The following MOB1B variants were observed in gnomAD, a reference collection of about 807,000 sequenced individuals.
The protein encoded by MOB1B is MOB kinase activator 1B.
In MOB1B, 19 loss-of-function variants were observed where a neutral mutation model predicts 24.4. The observed-to-expected ratio is 0.78, with a 90% CI of 0.54 to 1.14. The LOEUF (loss-of-function observed/expected upper bound fraction) is 1.14. MOB1B is among the 50% of genes most tolerant of loss of function. The pLI is 0.00. For synonymous variants in MOB1B, 76 were observed against 82.1 expected (o/e 0.93, Z 0.40); for missense variants, 243 against 259.6 (o/e 0.94, Z 0.44).
At position 70,979,140 on chromosome 4, in the gene MOB1B, C is replaced by T; in HGVS notation, c.422C>T (p.Pro141Leu). 6.2e-7 allele frequency: 1 copy of T among 1,613,382 alleles called. No homozygotes were observed. ...LFPSKIGVPF[P>L]KNFMSVAKTI... ...ATCTCTTTTCTAGGTGTCCCGTTCC[C>T]AAAGAATTTCATGTCTGTGGCAAAA... The change falls in exon 5 of 6, where the codon CCA becomes CTA. Residue 141 changes from proline to leucine, a missense_variant. Physicochemically the swap from Pro to Leu is moderately conservative, Grantham distance 98 (BLOSUM62 -3). Coordinates refer to ENST00000309395, the MANE Select transcript of MOB1B (RefSeq NM_173468.4).
intron 1 of MOB1B, among the ~76,000 whole-genome samples, chr4:70,907,105 T>A (rs1439448031): frequency 1.3e-5 from 2 of 152,210 alleles, no homozygotes; most frequent in African/African-American, 2.4e-5. Flanking sequence ...CTGTGAATTG[T>A]TCACTTCCAC....
intron 1 of MOB1B, among the ~76,000 whole-genome samples, chr4:70,908,563 A>G (rs1370527829): frequency 6.6e-6 from 1 of 150,714 alleles, no homozygotes; most frequent in Non-Finnish European, 1.5e-5. Context: ...TCACGAGGTC[A>G]GGAGTTTGAG....
chr4:70,905,278 G>A (rs905094552), intron 1 of MOB1B, among the ~76,000 whole-genome samples: 2 of 150,456 alleles, frequency 1.3e-5, no homozygotes, highest in Non-Finnish European at 3.0e-5. Context: ...TCACTCTGTC[G>A]ACCAGGATGG....
At position 70,958,972 on chromosome 4, in the gene MOB1B, G is replaced by C; in HGVS notation, c.113G>C (p.Ser38Thr). The change falls in exon 2 of 6, where the codon AGT (serine) becomes ACT (threonine). Residue 38 changes from serine (S) to threonine (T), a missense_variant. Ser to Thr is a moderately conservative substitution (Grantham distance 58). Transcript: ENST00000309395. ...LLKHAEATLG[S>T]GNLRMAVMLP... ...AAACACGCAGAAGCCACACTTGGCA[G>C]TGGCAACCTTCGGATGGCTGTCATG... The C allele has an allele frequency of 6.2e-7, 1 of 1,614,164 alleles. No homozygotes were observed. The highest frequency in any genetic ancestry group is 8.5e-7 in the Non-Finnish European group (1 of 1,180,014).
chr4:70,933,306 G>A (rs1736953691), intron 1 of MOB1B, among the ~76,000 whole-genome samples: 1 of 151,992 alleles, frequency 6.6e-6, no homozygotes, highest in Non-Finnish European at 1.5e-5. Context: ...ATGAGATTTG[G>A]GTAGGGACAC....
intron 1 of MOB1B, among the ~76,000 whole-genome samples, chr4:70,906,418 T>C (rs987371036): frequency 3.9e-5 from 6 of 152,128 alleles, no homozygotes; most frequent in Admixed American, 3.9e-4. Context: ...GATGTGGATG[T>C]TGGGCACCAT....
In MOB1B at chr4:70,966,723, G is replaced by C. The variant is rs866877305; in HGVS notation, c.182-3208G>C. Among the ~76,000 whole-genome samples the C allele has an allele frequency of 1.4e-4, 21 of 152,074 alleles. No individual in the cohort carries two copies. In the Middle Eastern group the frequency reaches 0.017, roughly 123 times the overall value. ...TAAAAAGTTAACCAGGTGTGGTGTT[G>C]CATGCCTATAGTCCTAATTACTCAA... is the stretch of plus-strand genomic sequence containing the variant. On this transcript the variant is annotated intron_variant, in intron 2 of 5. Coordinates refer to ENST00000309395, the MANE Select transcript of MOB1B (RefSeq NM_173468.4).
intron 1 of MOB1B, among the ~76,000 whole-genome samples, chr4:70,940,665 T>A (rs868587715): frequency 6.6e-6 from 1 of 151,844 alleles, no homozygotes. Context: ...AAAAATAATA[T>A]TAGGGCATTA....
At chr4:70,949,875 A>C (rs1338781450) in intron 1 of MOB1B, among the ~76,000 whole-genome samples, 1 of 151,986 alleles carries the variant, frequency 6.6e-6, no homozygotes, top group Non-Finnish European at 1.5e-5. Flanking sequence ...GTGTCACTGC[A>C]CTCCAGCCTA....
At chr4:70,947,297 T>A (rs1469249361) in intron 1 of MOB1B, among the ~76,000 whole-genome samples, 1 of 152,188 alleles carries the variant, frequency 6.6e-6, no homozygotes, top group Non-Finnish European at 1.5e-5. Context: ...AGAATCAGGG[T>A]CTCACTCTGT....
chr4:70,942,891 A>C (rs1737407880), intron 1 of MOB1B: 2 of 791,774 alleles, frequency 2.5e-6, no homozygotes, highest in African/African-American at 3.6e-5. Context: ...AAGTAAGCAA[A>C]GAAAAAATTA....
At chr4:70,911,948 G>A (rs1016285835) in intron 1 of MOB1B, among the ~76,000 whole-genome samples, 1 of 149,818 alleles carries the variant, frequency 6.7e-6, no homozygotes, top group Admixed American at 6.7e-5. Context: ...CCAGGCTGGA[G>A]TGCAAAGGCA....
At chr4:70,943,893 C>T (rs983064778) in intron 1 of MOB1B, among the ~76,000 whole-genome samples, 2 of 151,932 alleles carry the variant, frequency 1.3e-5, no homozygotes, top group African/African-American at 2.4e-5. Context: ...AAACATTTCC[C>T]TTTTTGAGAA....
intron 1 of MOB1B, among the ~76,000 whole-genome samples, chr4:70,905,708 G>A (rs1272664490): frequency 6.6e-6 from 1 of 152,108 alleles, no homozygotes; most frequent in African/African-American, 2.4e-5. Flanking sequence ...GGCTGCAAAG[G>A]TGGTGACTCA....
At chr4:70,976,399 C>T in intron 4 of MOB1B, 10 of 985,058 alleles carry the variant, frequency 1.0e-5, no homozygotes, top group Non-Finnish European at 1.1e-5. Flanking sequence ...CTTACAGATT[C>T]AGATATTAAG....
intron 1 of MOB1B, among the ~76,000 whole-genome samples, chr4:70,909,570 A>C (rs1428130404): frequency 1.3e-5 from 2 of 152,188 alleles, no homozygotes; most frequent in African/African-American, 2.4e-5. Context: ...GCCAGGGACA[A>C]AGTGTTTTAA....
At chr4:70,921,262 CA>C (rs1205128266) in intron 1 of MOB1B, among the ~76,000 whole-genome samples, 1 of 152,090 alleles carries the variant, frequency 6.6e-6, no homozygotes, top group African/African-American at 2.4e-5. Flanking sequence ...TACTATTATA[CA>C]TTCTATGCAG....
At chr4:70,907,720 G>C (rs1223494535) in intron 1 of MOB1B, among the ~76,000 whole-genome samples, 3 of 152,094 alleles carry the variant, frequency 2.0e-5, no homozygotes, top group Non-Finnish European at 4.4e-5. Flanking sequence ...GGCTGAAGTG[G>C]GTGGATTGCT....
intron 1 of MOB1B, among the ~76,000 whole-genome samples, chr4:70,929,182 C>CTTTTTTTTTTTTTTTTTT (rs11362114): frequency 1.1e-5 from 1 of 95,132 alleles, no homozygotes. Flanking sequence ...TTCTTTCTTT[C>CTTTTTTTTTTTTTTTTTT]TTTTTTTTTT....
Sources: gnomAD v4.1 joint callset for allele counts (sites outside exome capture counted in the v4.1 genomes callset) on GRCh38, gnomAD v4.1.1 for gene constraint, MANE v1.5 for transcripts, NCBI Gene and HGNC (gene_info 2026-07-23, HGNC 2026-07-21) for gene names.